Variants in ADAM10 observed in about 807,000 individuals in gnomAD.
ADAM10 encodes the protein ADAM metallopeptidase domain 10.
ADAM10 carries 17 observed loss-of-function variants against 90.1 expected under a neutral mutation model. That is an observed-to-expected ratio of 0.19 (90% CI 0.13 to 0.28). ADAM10 has a LOEUF of 0.28. Ranked by LOEUF, ADAM10 falls within the 10% of genes least tolerant of loss-of-function variation. ADAM10 has a pLI of 1.00. For synonymous variants in ADAM10, 310 were observed against 298.6 expected (o/e 1.04, Z -0.40); for missense variants, 610 against 914.3 (o/e 0.67, Z 4.29).
At chr15:58,677,322 A>C (rs1481281915) in intron 4 of ADAM10, among the ~76,000 whole-genome samples, 7 of 152,214 alleles carry the variant, frequency 4.6e-5, no homozygotes, top group Admixed American at 4.6e-4. Context: ...TACTTAAACA[A>C]GTATAAAATA....
At chr15:58,693,287 CAA>C (rs1651280702) in intron 2 of ADAM10, among the ~76,000 whole-genome samples, 1 of 152,188 alleles carries the variant, frequency 6.6e-6, no homozygotes, top group Non-Finnish European at 1.5e-5. Flanking sequence ...AGGGGTGACT[CAA>C]GAGCTAATTC....
At chr15:58,663,155 A>G (rs754662870) in intron 5 of ADAM10, among the ~76,000 whole-genome samples, 5 of 152,266 alleles carry the variant, frequency 3.3e-5, no homozygotes, top group African/African-American at 7.2e-5. Flanking sequence ...TACAAGTTTC[A>G]AAGTTTTCAT....
At chr15:58,645,723 GA>G (rs1375624266) in intron 6 of ADAM10, among the ~76,000 whole-genome samples, 1 of 151,794 alleles carries the variant, frequency 6.6e-6, no homozygotes, top group Admixed American at 6.6e-5. Flanking sequence ...TAAAAATACA[GA>G]AAAAAAATTA....
At chr15:58,653,810 G>C (rs1171080367) in intron 5 of ADAM10, among the ~76,000 whole-genome samples, 1 of 152,018 alleles carries the variant, frequency 6.6e-6, no homozygotes, top group East Asian at 1.9e-4. Flanking sequence ...GTAAATATTT[G>C]GTAGAATTCA....
intron 5 of ADAM10, 56 bp downstream of exon 5, chr15:58,665,041 T>C (rs1897047656): frequency 2.4e-6 from 3 of 1,260,926 alleles, no homozygotes; most frequent in Non-Finnish European, 3.5e-6. Flanking sequence ...AATGTAGATA[T>C]ACATCCTCAA....
intron 8 of ADAM10, among the ~76,000 whole-genome samples, chr15:58,635,743 A>C (rs1217431764): frequency 6.6e-6 from 1 of 152,050 alleles, no homozygotes; most frequent in Admixed American, 6.5e-5. Context: ...CAGTACTGTC[A>C]AACTTGAATT....
intron 1 of ADAM10, among the ~76,000 whole-genome samples, chr15:58,726,949 G>A (rs889424740): frequency 6.6e-6 from 1 of 151,344 alleles, no homozygotes; most frequent in Non-Finnish European, 1.5e-5. Flanking sequence ...AAGGGGAAGA[G>A]CAAGCAGAAG....
rs752952511 is a variant in ADAM10, at chr15:58,717,692, G to T, written c.91C>A (p.His31Asn). 2 of 1,613,002 alleles carry T rather than the reference G, an allele frequency of 1.2e-6. No homozygotes were observed. The highest frequency in any genetic ancestry group is 1.7e-6 in the Non-Finnish European group (2 of 1,179,694). The part of the protein sequence containing the change: ...YGNPLNKYIR[H>N]YEGLSYNVDS... ...ACATTGTAAGATAATCCTTCATAAT[G>T]TCTGATATATTTATTTAAAGGATTC... Residue 31 changes from histidine to asparagine, a missense_variant, in exon 2 of 16, where the codon CAT (histidine) becomes AAT (asparagine). Coordinates refer to ENST00000260408, the MANE Select transcript of ADAM10 (RefSeq NM_001110.4).
chr15:58,658,877 T>TTG (rs1168968061), intron 5 of ADAM10, among the ~76,000 whole-genome samples: 1 of 152,224 alleles, frequency 6.6e-6, no homozygotes, highest in Non-Finnish European at 1.5e-5. Context: ...AGGTATACTC[T>TTG]TGTATTACCT....
intron 8 of ADAM10, among the ~76,000 whole-genome samples, chr15:58,635,089 C>A (rs1896211028): frequency 6.6e-6 from 1 of 151,578 alleles, no homozygotes; most frequent in Non-Finnish European, 1.5e-5. Flanking sequence ...TTGAGAACAT[C>A]TCGGTGAAAC....
chr15:58,654,923 C>T (rs1457964577), intron 5 of ADAM10, among the ~76,000 whole-genome samples: 1 of 152,132 alleles, frequency 6.6e-6, no homozygotes, highest in Admixed American at 6.5e-5. Flanking sequence ...ATGGTCTATT[C>T]TTGAGAATGA....
chr15:58,615,143 A>T (rs1398774359), intron 11 of ADAM10, among the ~76,000 whole-genome samples: 1 of 151,800 alleles, frequency 6.6e-6, no homozygotes, highest in Non-Finnish European at 1.5e-5. Context: ...GCGTGGTGGC[A>T]GGCGCCTGTA....
chr15:58,647,820 T>C (rs1407040463), intron 5 of ADAM10, among the ~76,000 whole-genome samples: 1 of 152,184 alleles, frequency 6.6e-6, no homozygotes, highest in African/African-American at 2.4e-5. Context: ...CCCGAAGTAC[T>C]GGGATTACAG....
At chr15:58,673,023 T>C (rs1284686053) in intron 4 of ADAM10, 9 of 205,542 alleles carry the variant, frequency 4.4e-5, no homozygotes, top group Admixed American at 3.5e-4. Context: ...CCTTTAAAGG[T>C]AAGGCTTTGT....
Position 58,593,291 on chromosome 15 carries a change from T to C in ADAM10, c.*4256A>G, listed in dbSNP as rs964787083. 6.7e-6 allele frequency: 1 copy of C among 149,306 alleles called. No homozygotes were observed. Among genetic ancestry groups the C allele is most frequent in the Non-Finnish European group, 1.5e-5 (1 of 67,584 alleles). The allele number at this position is 149,306 out of a possible 1,614,324, so 9.2% of individuals were successfully genotyped here. ...GCCTCCTGGGTTCAAGCAAATCTCC[T>C]GCCTCTGCCTCCCGGGTTCAAGCAA... On this transcript the variant is annotated 3_prime_UTR_variant, in exon 16 of 16. Coordinates refer to ENST00000260408, the MANE Select transcript of ADAM10 (RefSeq NM_001110.4).
chr15:58,723,957 G>A (rs1042282313), intron 1 of ADAM10, among the ~76,000 whole-genome samples: 6 of 152,100 alleles, frequency 3.9e-5, no homozygotes, highest in African/African-American at 9.7e-5. Flanking sequence ...TTGGCCAGAC[G>A]TGATGGCTCA....
At chr15:58,612,597 C>T (rs1019018884) in intron 11 of ADAM10, among the ~76,000 whole-genome samples, 2 of 152,108 alleles carry the variant, frequency 1.3e-5, no homozygotes, top group African/African-American at 2.4e-5. Flanking sequence ...TGGGATACCA[C>T]CAAGCCCCAC....
At chr15:58,672,804 A>G (rs1459638866) in intron 4 of ADAM10, 2 of 133,474 alleles carry the variant, frequency 1.5e-5, no homozygotes, top group Non-Finnish European at 3.2e-5. Flanking sequence ...AAAAAAAAAA[A>G]AAAAAAGGGA....
At position 58,592,383 on chromosome 15, in the gene ADAM10, A is replaced by T. The variant is rs991735919; in HGVS notation, c.*5164T>A. 2.0e-5 allele frequency: 3 copies of T among 152,238 alleles called. No homozygotes were observed. Among genetic ancestry groups the T allele is most frequent in the Admixed American group, 6.5e-5 (1 of 15,282 alleles). The allele number at this position is 152,238 out of a possible 1,614,324, so 9.4% of individuals were successfully genotyped here. The stretch of plus-strand genomic sequence containing the variant: ...CTACCATCATTAACTCACAGAGTTA[A>T]ATACAATACTATGAGTTTCAATCTC... On this transcript the variant is annotated 3_prime_UTR_variant, in exon 16 of 16. Coordinates refer to ENST00000260408, the MANE Select transcript of ADAM10 (RefSeq NM_001110.4).
Sources: gnomAD v4.1 joint callset for allele counts (sites outside exome capture counted in the v4.1 genomes callset) on GRCh38, gnomAD v4.1.1 for gene constraint, MANE v1.5 for transcripts, NCBI Gene and HGNC (gene_info 2026-07-23, HGNC 2026-07-21) for gene names.